RNF8: variants seen among roughly 807,000 people sequenced by gnomAD.
The protein encoded by RNF8 is ring finger protein 8.
RNF8 carries 8 observed loss-of-function variants against 59.3 expected under a neutral mutation model. That is an observed-to-expected ratio of 0.13 (90% CI 0.08 to 0.24). The LOEUF (loss-of-function observed/expected upper bound fraction) is 0.24, where lower values mean the gene tolerates loss of function less well. Among genes scored for constraint, RNF8 ranks in the 10% least tolerant of loss-of-function variants. The probability of loss-of-function intolerance (pLI) is 1.00; values close to 1 mark genes in which losing one functional copy is unlikely to be tolerated. For synonymous variants in RNF8, 162 were observed against 200.0 expected (o/e 0.81, Z 1.60); for missense variants, 406 against 572.6 (o/e 0.71, Z 2.97).
intron 2 of RNF8, 138 bp from the exon 3 acceptor site, chr6:37,368,346 T>G: frequency 1.9e-6 from 3 of 1,595,438 alleles, no homozygotes. Context: ...GGATGGTCGT[T>G]TATGAATCTT....
intron 7 of RNF8, among the ~76,000 whole-genome samples, chr6:37,386,562 G>A (rs1372851592): frequency 6.6e-6 from 1 of 152,206 alleles, no homozygotes; most frequent in African/African-American, 2.4e-5. Context: ...AGAGATCCAG[G>A]GCTGACTTTG....
intron 4 of RNF8, among the ~76,000 whole-genome samples, chr6:37,374,071 T>G (rs185972335): frequency 3.0e-4 from 45 of 152,342 alleles, no homozygotes; most frequent in African/African-American, 1.0e-3. Context: ...TCAGGCAGCA[T>G]TGTCTGAGCA....
chr6:37,387,354 C>T (rs1770548252), intron 7 of RNF8, among the ~76,000 whole-genome samples: 1 of 152,148 alleles, frequency 6.6e-6, no homozygotes, highest in East Asian at 1.9e-4. Flanking sequence ...TGCTTCCTTT[C>T]TTCTGGGTCT....
intron 2 of RNF8, among the ~76,000 whole-genome samples, chr6:37,361,921 A>T (rs1769339504): frequency 6.6e-6 from 1 of 152,206 alleles, no homozygotes; most frequent in Non-Finnish European, 1.5e-5. Context: ...AGGCCCAGAG[A>T]GATAAACTGT....
intron 7 of RNF8, among the ~76,000 whole-genome samples, chr6:37,387,022 T>A (rs1248508050): frequency 6.6e-6 from 1 of 152,162 alleles, no homozygotes; most frequent in Non-Finnish European, 1.5e-5. Flanking sequence ...TAGAGTAGCG[T>A]CATTAACCAA....
rs1293331302 is a variant in RNF8 at position 37,360,882 on chromosome 6, A to G, written c.240+308A>G. 6.6e-6 allele frequency among the ~76,000 whole-genome samples: 1 copy of G among 152,164 alleles called. No individual in the cohort carries two copies. The highest frequency in any genetic ancestry group is 1.9e-4 in the East Asian group (1 of 5,188). On this transcript the variant is annotated intron_variant, in intron 2 of 7. Transcript: ENST00000373479. The surrounding 1 kb of genome is among the most constrained non-coding windows in gnomAD (Gnocchi z 4.2). Reference sequence around the variant, plus strand: ...TAAGCCTGTTTGAGGTGAAGCTCCCAGAGACCCTGGGAATCTGCAGAATCT... The same window carrying G: ...TAAGCCTGTTTGAGGTGAAGCTCCCGGAGACCCTGGGAATCTGCAGAATCT...
intron 1 of RNF8, 43 bp downstream of exon 1, chr6:37,354,318 A>T: frequency 7.1e-7 from 1 of 1,406,946 alleles, no homozygotes; most frequent in Non-Finnish European, 9.5e-7. Flanking sequence ...CAGGGGCTGG[A>T]GGGAGCGGGG....
rs995476463 is a variant in RNF8 at position 37,357,977 on chromosome 6, G to A, written c.112-2469G>A. 3.9e-5 allele frequency among the ~76,000 whole-genome samples: 6 copies of A among 152,274 alleles called. No individual in the cohort carries two copies. The East Asian group carries it at 5.8e-4, about 15-fold the overall frequency. ...AAGTAAAATAAACAAGATAATTTTG[G>A]TCTGTGATAAGTACTTCCTAATAAC... On this transcript the variant is annotated intron_variant, in intron 1 of 7. Transcript: ENST00000373479.
chr6:37,386,707 C>A (rs867797639), intron 7 of RNF8, among the ~76,000 whole-genome samples: 2 of 152,194 alleles, frequency 1.3e-5, no homozygotes, highest in African/African-American at 4.8e-5. Flanking sequence ...GATCCCATCG[C>A]TGCTGGAGGC....
rs1769258458 is a variant in RNF8, at chr6:37,360,139, A to G, written c.112-307A>G. Among the ~76,000 whole-genome samples, 1 of 152,210 alleles carries G rather than the reference A, an allele frequency of 6.6e-6. No individual in the cohort carries two copies. The highest frequency in any genetic ancestry group is 1.5e-5 in the Non-Finnish European group (1 of 68,032). ...CTGACAGTATTTATGCGTTGATGGGATGTGTAGAAAGAATTCCTCTATCTC... is the reference window on the plus strand; with the variant it reads ...CTGACAGTATTTATGCGTTGATGGGGTGTGTAGAAAGAATTCCTCTATCTC... On this transcript the variant is annotated intron_variant, in intron 1 of 7. Transcript: ENST00000373479. The surrounding 1 kb of genome is among the most constrained non-coding windows in gnomAD (Gnocchi z 4.2).
intron 7 of RNF8, among the ~76,000 whole-genome samples, chr6:37,383,073 C>T (rs1562097409): frequency 6.6e-6 from 1 of 152,038 alleles, no homozygotes; most frequent in Non-Finnish European, 1.5e-5. Context: ...AATAACAGAT[C>T]CCCCTTTTCT....
chr6:37,357,532 A>G (rs766179284), intron 1 of RNF8, among the ~76,000 whole-genome samples: 4 of 152,228 alleles, frequency 2.6e-5, no homozygotes, highest in African/African-American at 7.2e-5. Context: ...AGCTACCTAA[A>G]TAGAAATTTT....
At position 37,392,854 on chromosome 6, in the gene RNF8, A is replaced by G. The variant is rs796196391; in HGVS notation, c.*2096A>G. On this transcript the variant is annotated 3_prime_UTR_variant, in exon 8 of 8. Coordinates refer to ENST00000373479, the MANE Select transcript of RNF8 (RefSeq NM_003958.4). ...ATTTTATTATTTTTTAATAGAGACT[A>G]TGTTGCCTAGGCTGGTCTTGAAATT... 2.4e-5 allele frequency: 9 copies of G among 368,610 alleles called. No individual in the cohort carries two copies. The highest frequency in any genetic ancestry group is 2.4e-4 in the East Asian group (6 of 25,310). The allele number at this position is 368,610 out of a possible 1,614,324, so 22.8% of individuals were successfully genotyped here. A position where few individuals can be genotyped will look rare whatever the true frequency, so the allele number is the denominator to read the frequency against.
In RNF8 at chr6:37,371,692, G is replaced by A. The variant is rs1262971078; in HGVS notation, c.1038+118G>A. On this transcript the variant is annotated intron_variant, in intron 4 of 7. Transcript: ENST00000373479. ...CATACCTCTGTGGCATCCCCAGTCT[G>A]TAAACAGAGCAGGTGGCAGCTGCTC... The A allele has an allele frequency of 9.6e-6, 7 of 730,836 alleles. No individual in the cohort carries two copies. In the South Asian group the frequency reaches 1.1e-4, roughly 11 times the overall value. The allele number at this position is 730,836 out of a possible 1,614,324, so 45.3% of individuals were successfully genotyped here.
At chr6:37,371,061 G>A (rs1286416306) in intron 3 of RNF8, among the ~76,000 whole-genome samples, 1 of 152,122 alleles carries the variant, frequency 6.6e-6, no homozygotes, top group East Asian at 1.9e-4. Context: ...GAGGAGCAGT[G>A]TATAAACTGA....
At chr6:37,364,222 A>G (rs918010360) in intron 2 of RNF8, among the ~76,000 whole-genome samples, 1 of 148,536 alleles carries the variant, frequency 6.7e-6, no homozygotes, top group Admixed American at 6.6e-5. Flanking sequence ...AGACAGACAC[A>G]AAAGAATACA....
chr6:37,361,503 A>G (rs1045350179), intron 2 of RNF8: 7 of 365,324 alleles, frequency 1.9e-5, no homozygotes, highest in Admixed American at 1.8e-4. Context: ...AAAAGAAGAT[A>G]CCTAAAGTGC....
At chr6:37,382,948 G>A (rs898805694) in intron 7 of RNF8, among the ~76,000 whole-genome samples, 3 of 151,514 alleles carry the variant, frequency 2.0e-5, no homozygotes, top group Non-Finnish European at 4.4e-5. Context: ...ACTCCAGCCT[G>A]GATGACAGAG....
intron 1 of RNF8, among the ~76,000 whole-genome samples, chr6:37,358,059 G>A (rs180981340): frequency 5.1e-4 from 78 of 152,316 alleles, no homozygotes; most frequent in African/African-American, 1.8e-3. Context: ...ATCAGAGTAG[G>A]CTTATGAGTA....
Sources: gnomAD v4.1 joint callset for allele counts (sites outside exome capture counted in the v4.1 genomes callset) on GRCh38, gnomAD v4.1.1 for gene constraint, Gnocchi (gnomAD v3.1) non-coding constraint, MANE v1.5 for transcripts, NCBI Gene and HGNC (gene_info 2026-07-23, HGNC 2026-07-21) for gene names.